The following PLA2G7 variants were observed in gnomAD, a reference collection of about 807,000 sequenced individuals.
PLA2G7 encodes phospholipase A2 group VII.
A neutral mutation model predicts 49.6 loss-of-function variants in PLA2G7; 63 were observed. That is an observed-to-expected ratio of 1.27 (90% CI 1.04 to 1.57). The LOEUF (loss-of-function observed/expected upper bound fraction) is 1.57. PLA2G7 is among the 40% of genes most tolerant of loss of function. The probability of loss-of-function intolerance (pLI) is 0.00; values close to 1 mark genes in which losing one functional copy is unlikely to be tolerated. For missense variants in PLA2G7, 596 were observed against 521.2 expected (o/e 1.14, Z -1.40); for synonymous variants, 193 against 169.9 (o/e 1.14, Z -1.06).
intron 2 of PLA2G7, 97 bp downstream of exon 2, chr6:46,722,686 G>T (rs1765437996): frequency 2.7e-6 from 2 of 749,164 alleles, no homozygotes; most frequent in Admixed American, 3.9e-5. Flanking sequence ...CTTTAAATAG[G>T]ACTTGTTTAG....
intron 6 of PLA2G7, among the ~76,000 whole-genome samples, chr6:46,711,901 C>T (rs941856662): frequency 1.3e-5 from 2 of 152,210 alleles, no homozygotes; most frequent in South Asian, 2.1e-4. Context: ...AATCAAATCC[C>T]GGCACTGCCA....
At position 46,704,509 on chromosome 6, in the gene PLA2G7, C is replaced by G; in HGVS notation, c.*51G>C. On this transcript the variant is annotated 3_prime_UTR_variant, in exon 12 of 12. Coordinates refer to ENST00000274793, the MANE Select transcript of PLA2G7 (RefSeq NM_005084.4). ...ACACACACACACACACACACACACA[C>G]ATAATTTTAGACAGTTTTGAAACAA... 1 of 945,720 alleles carries G rather than the reference C, an allele frequency of 1.1e-6. No homozygotes were observed. The highest frequency in any genetic ancestry group is 1.7e-6 in the Non-Finnish European group (1 of 589,626). The allele number at this position is 945,720 out of a possible 1,614,324, so 58.6% of individuals were successfully genotyped here.
intron 1 of PLA2G7, among the ~76,000 whole-genome samples, chr6:46,733,131 G>GT (rs1219744896): frequency 1.3e-5 from 2 of 152,144 alleles, no homozygotes; most frequent in Non-Finnish European, 2.9e-5. Context: ...AGCTGCTCAG[G>GT]TACCCAGTTA....
Position 46,711,555 on chromosome 6 carries a change from ACTTGT to A in PLA2G7, c.599_603del (p.Asp200ValfsTer6). On this transcript the variant is annotated frameshift_variant, in exon 7 of 12. Coordinates refer to ENST00000274793, the MANE Select transcript of PLA2G7 (RefSeq NM_005084.4). LOFTEE classifies it high-confidence loss of function. Reference sequence around the variant, plus strand: ...TTCAGGGTTCTAAGGTAGAGCCAAGACTTGTCCCCTATTTCTGCAGCAGATTGGTC... The same window carrying A: ...TTCAGGGTTCTAAGGTAGAGCCAAGACCCCTATTTCTGCAGCAGATTGGTC... The A allele has an allele frequency of 1.2e-6, 2 of 1,613,758 alleles. No individual in the cohort carries two copies. Among genetic ancestry groups the A allele is most frequent in the Admixed American group, 3.3e-5 (2 of 60,016 alleles).
At chr6:46,729,297 C>A (rs572038140) in intron 1 of PLA2G7, among the ~76,000 whole-genome samples, 2 of 152,018 alleles carry the variant, frequency 1.3e-5, no homozygotes, top group African/African-American at 4.8e-5. Context: ...ATAATGGGGA[C>A]CATAGAGAGA....
At chr6:46,711,380 T>C (rs1217225872) in intron 7 of PLA2G7, 116 bp downstream of exon 7, 2 of 1,119,206 alleles carry the variant, frequency 1.8e-6, no homozygotes, top group African/African-American at 3.1e-5. Flanking sequence ...CTTTTGGGAA[T>C]GGGAAATAGG....
rs763826192 is a variant in PLA2G7 at position 46,704,466 on chromosome 6, TCTCTCTCTCTCTCACACA to T, written c.*76_*93del. On this transcript the variant is annotated 3_prime_UTR_variant, in exon 12 of 12. Coordinates refer to ENST00000274793, the MANE Select transcript of PLA2G7 (RefSeq NM_005084.4). ...TTCTCTCTCTCTCTCTCTCTCTCTCTCTCTCTCTCTCTCACACACACACACACACACACACACACACAC... is the reference window on the plus strand; with the variant it reads ...TTCTCTCTCTCTCTCTCTCTCTCTCTCACACACACACACACACACACACAC... 12,389 of 495,868 alleles carry T rather than the reference TCTCTCTCTCTCTCACACA, an allele frequency of 0.025. 377 individuals are homozygous for T. Among genetic ancestry groups the T allele is most frequent in the African/African-American group, 0.2 (6,511 of 33,206 alleles). The allele number at this position is 495,868 out of a possible 1,614,324, so 30.7% of individuals were successfully genotyped here.
In PLA2G7 at chr6:46,722,432, C is replaced by T. The variant is rs116182836; in HGVS notation, c.109+351G>A. Among the ~76,000 whole-genome samples, 418 of 152,218 alleles carry T rather than the reference C, an allele frequency of 2.7e-3. 2 individuals carry two copies. The highest frequency in any genetic ancestry group is 9.4e-3 in the African/African-American group (392 of 41,536). ...AGGCTGTCTTGGAGTGGACTCCAGA[C>T]CAGTTGCATTACTATGCTTGTGTGG... On this transcript the variant is annotated intron_variant, in intron 2 of 11. Transcript: ENST00000274793.
intron 2 of PLA2G7, among the ~76,000 whole-genome samples, chr6:46,717,721 T>C (rs1229715729): frequency 6.7e-6 from 1 of 148,814 alleles, no homozygotes; most frequent in East Asian, 2.0e-4. Context: ...TTTTCTTTTT[T>C]TTTTTTTTTG....
chr6:46,706,534 G>C (rs908210582), intron 10 of PLA2G7, among the ~76,000 whole-genome samples: 1 of 152,210 alleles, frequency 6.6e-6, no homozygotes, highest in East Asian at 1.9e-4. Context: ...CAGATGCAGA[G>C]AGCAAGGTTG....
intron 1 of PLA2G7, among the ~76,000 whole-genome samples, chr6:46,726,674 C>T (rs577256689): frequency 5.9e-5 from 9 of 151,764 alleles, no homozygotes; most frequent in South Asian, 2.1e-4. Context: ...GAGATGGAGT[C>T]TCACTCTGTC....
At chr6:46,733,755 G>C (rs1022913417) in intron 1 of PLA2G7, among the ~76,000 whole-genome samples, 3 of 152,180 alleles carry the variant, frequency 2.0e-5, no homozygotes, top group Non-Finnish European at 2.9e-5. Context: ...GCTTCTTCTT[G>C]ATCAGGCCAG....
upstream of PLA2G7, chr6:46,735,655 C>G (rs535212836): frequency 6.6e-6 from 1 of 152,604 alleles, no homozygotes; most frequent in East Asian, 1.9e-4. Flanking sequence ...ATCAGATTTA[C>G]TCCCTGCTGA....
chr6:46,734,573 A>G (rs895880528), intron 1 of PLA2G7, among the ~76,000 whole-genome samples: 1 of 151,802 alleles, frequency 6.6e-6, no homozygotes, highest in Non-Finnish European at 1.5e-5. Context: ...CTGTAATCCC[A>G]GCATTTTGGG....
Position 46,717,069 on chromosome 6 carries a change from A to T in PLA2G7, c.137T>A (p.Met46Lys), listed in dbSNP as rs560294195. 3.7e-6 allele frequency: 6 copies of T among 1,613,760 alleles called. No homozygotes were observed. The Admixed American group carries it at 8.3e-5, about 22-fold the overall frequency. The change falls in exon 3 of 12, where the codon ATG becomes AAG. Residue 46 changes from methionine to lysine, a missense_variant. Met to Lys is a moderately conservative substitution (Grantham distance 95). Coordinates refer to ENST00000274793, the MANE Select transcript of PLA2G7 (RefSeq NM_005084.4). ...AGTTTGGCCAAAGCTTGCAGCAGCCATCAGTACTTGTATTTTGTTGACCCA... is the reference window on the plus strand; with the variant it reads ...AGTTTGGCCAAAGCTTGCAGCAGCCTTCAGTACTTGTATTTTGTTGACCCA... ...SAWVNKIQVLMAAASFGQTKI... is the reference protein window; with the variant it reads ...SAWVNKIQVLKAAASFGQTKI...
intron 1 of PLA2G7, among the ~76,000 whole-genome samples, chr6:46,724,068 G>T (rs963031137): frequency 3.9e-5 from 6 of 152,078 alleles, no homozygotes; most frequent in African/African-American, 1.4e-4. Flanking sequence ...CCAAATGACT[G>T]GTCCTCTCAC....
At chr6:46,729,674 A>C (rs567998992) in intron 1 of PLA2G7, among the ~76,000 whole-genome samples, 31 of 152,306 alleles carry the variant, frequency 2.0e-4, no homozygotes, top group African/African-American at 7.2e-4. Flanking sequence ...TAAGCTCAGC[A>C]CTGCTGACAC....
rs930840219 is a variant in PLA2G7 at position 46,723,227 on chromosome 6, T to C, written c.-34-302A>G. On this transcript the variant is annotated intron_variant, in intron 1 of 11. Coordinates refer to ENST00000274793, the MANE Select transcript of PLA2G7 (RefSeq NM_005084.4). The stretch of plus-strand genomic sequence containing the variant: ...ATAACAGTATGGTCAGCTATAAAAA[T>C]AGCCAACAAAATATAACAAATATAA... Among the ~76,000 whole-genome samples, 15 of 152,294 alleles carry C rather than the reference T, an allele frequency of 9.8e-5. No homozygotes were observed. In the East Asian group the frequency reaches 1.9e-3, roughly 20 times the overall value.
At chr6:46,726,333 A>T (rs1369845048) in intron 1 of PLA2G7, among the ~76,000 whole-genome samples, 1 of 152,230 alleles carries the variant, frequency 6.6e-6, no homozygotes, top group Non-Finnish European at 1.5e-5. Context: ...CCATATTAAC[A>T]TGTAATAATC....
Sources: gnomAD v4.1 joint callset for allele counts (sites outside exome capture counted in the v4.1 genomes callset) on GRCh38, gnomAD v4.1.1 for gene constraint, MANE v1.5 for transcripts, NCBI Gene and HGNC (gene_info 2026-07-23, HGNC 2026-07-21) for gene names.